TIAM1: variants seen among roughly 807,000 people sequenced by gnomAD.
The protein encoded by TIAM1 is TIAM Rac1 associated GEF 1.
TIAM1 carries 65 observed loss-of-function variants against 163.5 expected under a neutral mutation model. The ratio of observed to expected loss-of-function variants is 0.40; its 90% CI spans 0.33 to 0.49. The LOEUF (loss-of-function observed/expected upper bound fraction) is 0.49. Ranked by LOEUF, TIAM1 falls within the 20% of genes least tolerant of loss-of-function variation. The probability of loss-of-function intolerance (pLI) is 0.77; values close to 1 mark genes in which losing one functional copy is unlikely to be tolerated. For synonymous variants in TIAM1, 833 were observed against 810.1 expected, an observed-to-expected ratio of 1.03 and a Z score of -0.48; for missense variants, 1,789 against 2,044.7, an observed-to-expected ratio of 0.87 and a Z score of 2.41.
At chr21:31,390,823 T>C (rs997913771) in intron 2 of TIAM1, among the ~76,000 whole-genome samples, 1 of 152,198 alleles carries the variant, frequency 6.6e-6, no homozygotes, top group South Asian at 2.1e-4. Context: ...TGAATTCTAA[T>C]ACATTCCAAA....
At chr21:31,538,600 C>T (rs2048216644) in intron 1 of TIAM1, among the ~76,000 whole-genome samples, 1 of 152,158 alleles carries the variant, frequency 6.6e-6, no homozygotes, top group Non-Finnish European at 1.5e-5. Context: ...GCCCAGAATT[C>T]CAAGGAAGAA....
chr21:31,354,361 C>T (rs1602078218), intron 2 of TIAM1, among the ~76,000 whole-genome samples: 1 of 152,084 alleles, frequency 6.6e-6, no homozygotes, highest in African/African-American at 2.4e-5. Context: ...AGGTATCTAA[C>T]GTGAGCCAGC....
intron 1 of TIAM1, among the ~76,000 whole-genome samples, chr21:31,512,524 T>C (rs1384083363): frequency 6.6e-6 from 1 of 152,164 alleles, no homozygotes; most frequent in Non-Finnish European, 1.5e-5. Context: ...TTCAGAATAT[T>C]TAACTCCAGG....
intron 23 of TIAM1, among the ~76,000 whole-genome samples, chr21:31,133,055 C>A (rs1277824475): frequency 6.6e-6 from 1 of 152,206 alleles, no homozygotes; most frequent in Admixed American, 6.5e-5. Context: ...AAGACAACCA[C>A]ATTTTAACCC....
intron 1 of TIAM1, among the ~76,000 whole-genome samples, chr21:31,512,384 G>T (rs558789580): frequency 6.6e-6 from 1 of 152,010 alleles, no homozygotes; most frequent in East Asian, 2.0e-4. Flanking sequence ...ACAGGTATGA[G>T]CCATCTCATC....
At chr21:31,302,394 G>A (rs914249312) in intron 2 of TIAM1, among the ~76,000 whole-genome samples, 1 of 152,114 alleles carries the variant, frequency 6.6e-6, no homozygotes, top group African/African-American at 2.4e-5. Context: ...AGGACCTTCA[G>A]ATTCCAACGC....
chr21:31,149,885 C>G (rs774346939), intron 19 of TIAM1, among the ~76,000 whole-genome samples: 1 of 152,092 alleles, frequency 6.6e-6, no homozygotes, highest in African/African-American at 2.4e-5. Flanking sequence ...TTTTTGAACA[C>G]AAAAATGAAC....
intron 2 of TIAM1, among the ~76,000 whole-genome samples, chr21:31,321,798 C>G (rs1415521540): frequency 6.6e-6 from 1 of 152,052 alleles, no homozygotes; most frequent in Non-Finnish European, 1.5e-5. Context: ...GTGGCTCACA[C>G]CTGTAATCCC....
chr21:31,366,442 G>A (rs2076505901), intron 2 of TIAM1, among the ~76,000 whole-genome samples: 1 of 152,148 alleles, frequency 6.6e-6, no homozygotes, highest in Non-Finnish European at 1.5e-5. Flanking sequence ...GAATTGATGG[G>A]CAATGAACAC....
At chr21:31,210,812 A>T (rs191510197) in intron 10 of TIAM1, among the ~76,000 whole-genome samples, 5 of 147,724 alleles carry the variant, frequency 3.4e-5, no homozygotes, top group Non-Finnish European at 7.4e-5. Flanking sequence ...GAAAGAAAGA[A>T]AGGTCACCAT....
At chr21:31,348,712 T>C (rs557524176), upstream of TIAM1, among the ~76,000 whole-genome samples, 87 of 152,338 alleles carry the variant, frequency 5.7e-4, no homozygotes, top group African/African-American at 1.9e-3. Context: ...AATACGGACA[T>C]GTTTGAAAAC....
intron 1 of TIAM1, among the ~76,000 whole-genome samples, chr21:31,544,690 G>A (rs1352688840): frequency 6.6e-6 from 1 of 151,804 alleles, no homozygotes; most frequent in Non-Finnish European, 1.5e-5. Context: ...GCATGGTTAT[G>A]GGTTGAACTG....
rs1202075349 is a variant in TIAM1, at chr21:31,164,057, C to T, written c.2991+905G>A. On this transcript the variant is annotated intron_variant, in intron 16 of 27. Transcript: ENST00000541036. ...GACTGTGGTAAAAGAGGCTACTGAC[C>T]CATGGAACTCTTTATGAAGTGGAAT... 3.3e-5 allele frequency among the ~76,000 whole-genome samples: 5 copies of T among 151,558 alleles called. No individual in the cohort carries two copies. In the East Asian group the frequency reaches 1.0e-3, roughly 31 times the overall value.
At position 31,118,638 on chromosome 21, in the gene TIAM1, C is replaced by T. The variant is rs1426504194; in HGVS notation, c.*1730G>A. The T allele has an allele frequency of 1.5e-5, 7 of 471,052 alleles. No individual in the cohort carries two copies. Among genetic ancestry groups the T allele is most frequent in the Non-Finnish European group, 3.1e-5 (7 of 227,094 alleles). 29.2% of individuals were successfully genotyped at this position (471,052 alleles called of 1,614,324 possible). The stretch of plus-strand genomic sequence containing the variant: ...TGTGTTGCACTGGAGCCAGTAAATG[C>T]GACGATTAGAAGCCTCTGCTTCCGT... On this transcript the variant is annotated 3_prime_UTR_variant, in exon 28 of 28. Coordinates refer to ENST00000541036, the MANE Select transcript of TIAM1 (RefSeq NM_001353694.2).
At chr21:31,131,217 A>C (rs992819756) in intron 23 of TIAM1, among the ~76,000 whole-genome samples, 4 of 152,256 alleles carry the variant, frequency 2.6e-5, no homozygotes, top group Non-Finnish European at 5.9e-5. Flanking sequence ...AAAATATGTT[A>C]GGTATGATAC....
chr21:31,230,666 C>T (rs1382735273), intron 6 of TIAM1, among the ~76,000 whole-genome samples: 1 of 152,138 alleles, frequency 6.6e-6, no homozygotes, highest in Non-Finnish European at 1.5e-5. Flanking sequence ...CTAGCTGGGA[C>T]TACAGGCTAC....
intron 1 of TIAM1, among the ~76,000 whole-genome samples, chr21:31,503,821 C>T (rs975843291): frequency 6.6e-6 from 1 of 150,632 alleles, no homozygotes; most frequent in Non-Finnish European, 1.5e-5. Flanking sequence ...CCATTTGAGA[C>T]ATCACTAGCC....
intron 2 of TIAM1, among the ~76,000 whole-genome samples, chr21:31,286,474 G>A (rs962058371): frequency 1.3e-4 from 20 of 152,008 alleles, no homozygotes; most frequent in African/African-American, 4.8e-4. Flanking sequence ...TTGGGAAGCC[G>A]AAACAGGAAG....
rs371833373 is a variant in TIAM1 at position 31,127,054 on chromosome 21, C to T, written c.4133+11G>A. 3.8e-5 allele frequency: 62 copies of T among 1,613,600 alleles called. No individual in the cohort carries two copies. The highest frequency in any genetic ancestry group is 5.1e-5 in the Non-Finnish European group (60 of 1,179,694). On this transcript the variant is annotated intron_variant, in intron 26 of 27. Transcript: ENST00000541036. ...GTCAACACGGCCTCGACTTTACAGGCCCAGGCTCACCTGCAGCACAAGTGA... is the reference window on the plus strand; with the variant it reads ...GTCAACACGGCCTCGACTTTACAGGTCCAGGCTCACCTGCAGCACAAGTGA...
Sources: allele counts gnomAD v4.1 joint callset (sites outside exome capture counted in the v4.1 genomes callset), GRCh38; gene constraint gnomAD v4.1.1; transcripts MANE v1.5; gene names NCBI Gene and HGNC (gene_info 2026-07-23, HGNC 2026-07-21).